Variants in PTPRD observed in about 807,000 individuals in gnomAD.
The protein encoded by PTPRD is protein tyrosine phosphatase receptor type D.
In PTPRD, 34 loss-of-function variants were observed where a neutral mutation model predicts 214.5. That is an observed-to-expected ratio of 0.16 (90% CI 0.12 to 0.21). The LOEUF is 0.21. Among genes scored for constraint, PTPRD ranks in the 10% least tolerant of loss-of-function variants. The pLI, the probability that PTPRD is intolerant of heterozygous loss-of-function variation, is 1.00. For missense variants in PTPRD, 2,545 were observed against 2,398.7 expected, an observed-to-expected ratio of 1.06 and a Z score of -1.27; for synonymous variants, 1,128 against 845.7, an observed-to-expected ratio of 1.33 and a Z score of -5.79.
intron 8 of PTPRD, among the ~76,000 whole-genome samples, chr9:9,474,039 G>A (rs2094830435): frequency 6.6e-6 from 1 of 151,806 alleles, no homozygotes; most frequent in Admixed American, 6.6e-5. Context: ...TCTATTAGAT[G>A]AACGTCCTGA....
intron 2 of PTPRD, among the ~76,000 whole-genome samples, chr9:10,599,105 C>T (rs561375789): frequency 6.6e-6 from 1 of 151,570 alleles, no homozygotes; most frequent in Non-Finnish European, 1.5e-5. Context: ...GAAATTGGAC[C>T]TATTTTCCTT....
chr9:9,422,313 T>G (rs185139298), intron 8 of PTPRD, among the ~76,000 whole-genome samples: 1 of 152,286 alleles, frequency 6.6e-6, no homozygotes, highest in East Asian at 1.9e-4. Context: ...TTAGCCATTA[T>G]ACTATCATAA....
chr9:8,376,821 C>T (rs1465772993), intron 37 of PTPRD, 95 bp from the exon 38 acceptor site: 4 of 1,506,724 alleles, frequency 2.7e-6, no homozygotes, highest in Non-Finnish European at 3.6e-6. Flanking sequence ...AGCTTTTCTG[C>T]ACTTCATTTT....
intron 7 of PTPRD, among the ~76,000 whole-genome samples, chr9:9,671,018 C>T (rs144466674): frequency 8.9e-4 from 135 of 152,218 alleles, no homozygotes; most frequent in Non-Finnish European, 1.6e-3. Flanking sequence ...CCACCATACT[C>T]CAGATCCACC....
chr9:9,969,455 T>C (rs1587742546), intron 4 of PTPRD, among the ~76,000 whole-genome samples: 1 of 152,184 alleles, frequency 6.6e-6, no homozygotes, highest in South Asian at 2.1e-4. Context: ...GATTTCATAT[T>C]AAAAATCTCA....
At chr9:8,714,475 A>C (rs1037832810) in intron 12 of PTPRD, among the ~76,000 whole-genome samples, 2 of 152,134 alleles carry the variant, frequency 1.3e-5, no homozygotes, top group South Asian at 4.2e-4. Context: ...TGTTGCTTCC[A>C]GGAAGCCTGA....
Position 8,603,437 on chromosome 9 carries a change from A to G in PTPRD, c.352+29880T>C, listed in dbSNP as rs569657402. ...ACAGCTTTCTCCAGTCAGTGGTTTC[A>G]AAAGTATTTACTTTGTAACACTGGA... On this transcript the variant is annotated intron_variant, in intron 14 of 45. Transcript: ENST00000381196. 1.1e-3 allele frequency among the ~76,000 whole-genome samples: 161 copies of G among 152,320 alleles called. 2 individuals are homozygous for G. Among genetic ancestry groups the G allele is most frequent in the African/African-American group, 3.8e-3 (156 of 41,590 alleles).
chr9:8,366,382 G>A (rs1414924102), intron 39 of PTPRD, among the ~76,000 whole-genome samples: 4 of 152,180 alleles, frequency 2.6e-5, no homozygotes, highest in African/African-American at 9.7e-5. Flanking sequence ...CTGCAATGTA[G>A]AGAAGAATTT....
chr9:8,882,981 A>G (rs2098459024), intron 11 of PTPRD, among the ~76,000 whole-genome samples: 1 of 152,234 alleles, frequency 6.6e-6, no homozygotes, highest in Non-Finnish European at 1.5e-5. Flanking sequence ...GGTCAAAATC[A>G]TACATGCACA....
intron 10 of PTPRD, among the ~76,000 whole-genome samples, chr9:9,116,119 C>A (rs1224665840): frequency 6.6e-6 from 1 of 152,058 alleles, no homozygotes; most frequent in Non-Finnish European, 1.5e-5. Flanking sequence ...TGCTCACTAC[C>A]TGGGTAACGG....
chr9:10,144,891 A>G (rs2099011836), intron 3 of PTPRD, among the ~76,000 whole-genome samples: 1 of 152,100 alleles, frequency 6.6e-6, no homozygotes, highest in Non-Finnish European at 1.5e-5. Context: ...CAAAATTAAA[A>G]ATAAAATTAG....
intron 5 of PTPRD, among the ~76,000 whole-genome samples, chr9:9,855,052 A>C (rs1417832117): frequency 6.6e-6 from 1 of 152,186 alleles, no homozygotes; most frequent in East Asian, 1.9e-4. Flanking sequence ...AGCTTTCCCC[A>C]TAGCCGATGG....
chr9:9,832,141 G>C (rs1053236715), intron 5 of PTPRD, among the ~76,000 whole-genome samples: 5 of 151,992 alleles, frequency 3.3e-5, no homozygotes, highest in African/African-American at 1.2e-4. Context: ...AGCCAAGCTG[G>C]TGTTGTGACA....
intron 2 of PTPRD, among the ~76,000 whole-genome samples, chr9:10,560,424 G>A (rs1185604818): frequency 6.6e-6 from 1 of 152,022 alleles, no homozygotes; most frequent in Non-Finnish European, 1.5e-5. Flanking sequence ...GGGGGGAGTG[G>A]GGAGGGATAG....
chr9:9,625,832 T>C (rs543291315), intron 7 of PTPRD, among the ~76,000 whole-genome samples: 3 of 152,282 alleles, frequency 2.0e-5, no homozygotes, highest in South Asian at 4.1e-4. Context: ...TTATAACATG[T>C]CTCTGTCTTG....
At chr9:8,764,921 C>T (rs1412972400) in intron 11 of PTPRD, among the ~76,000 whole-genome samples, 2 of 151,926 alleles carry the variant, frequency 1.3e-5, no homozygotes, top group African/African-American at 4.8e-5. Flanking sequence ...CATGATTGGG[C>T]ATGAGGATAC....
chr9:9,014,596 G>A (rs1337766980), intron 11 of PTPRD, among the ~76,000 whole-genome samples: 1 of 152,054 alleles, frequency 6.6e-6, no homozygotes, highest in Non-Finnish European at 1.5e-5. Flanking sequence ...GTTTATTTAT[G>A]GTAATAACAA....
At chr9:9,271,775 T>TA (rs1260765048) in intron 9 of PTPRD, among the ~76,000 whole-genome samples, 3 of 151,320 alleles carry the variant, frequency 2.0e-5, no homozygotes, top group Non-Finnish European at 3.0e-5. Flanking sequence ...TCATGGATTT[T>TA]AAAAAAAGAA....
chr9:9,043,781 G>C (rs937093504), intron 10 of PTPRD, among the ~76,000 whole-genome samples: 1 of 152,026 alleles, frequency 6.6e-6, no homozygotes, highest in African/African-American at 2.4e-5. Flanking sequence ...GTTTGTGCCT[G>C]TAGTCCCAGC....
Sources: gnomAD v4.1 joint callset for allele counts (sites outside exome capture counted in the v4.1 genomes callset) on GRCh38, gnomAD v4.1.1 for gene constraint, MANE v1.5 for transcripts, NCBI Gene and HGNC (gene_info 2026-07-23, HGNC 2026-07-21) for gene names.